DPY19L2: variants seen among roughly 807,000 people sequenced by gnomAD.
DPY19L2 encodes probable C-mannosyltransferase DPY19L2.
A neutral mutation model predicts 97.9 loss-of-function variants in DPY19L2; 34 were observed. That is an observed-to-expected ratio of 0.35 (90% CI 0.26 to 0.46). DPY19L2 has a LOEUF of 0.46. Ranked by LOEUF, DPY19L2 falls within the 20% of genes least tolerant of loss-of-function variation. The pLI is 1.00. For missense variants in DPY19L2, 623 were observed against 911.4 expected (o/e 0.68, Z 4.07); for synonymous variants, 230 against 307.9 (o/e 0.75, Z 2.65).
chr12:63,626,130 G>A (rs1421041472), intron 7 of DPY19L2, among the ~76,000 whole-genome samples: 1 of 151,318 alleles, frequency 6.6e-6, no homozygotes, highest in Non-Finnish European at 1.5e-5. Context: ...TAACTTGTAT[G>A]GTGAGGCTAC....
upstream of DPY19L2, chr12:63,668,665 T>A: frequency 2.2e-6 from 1 of 459,504 alleles, no homozygotes; most frequent in East Asian, 4.2e-5. Context: ...CAGCTTCCGG[T>A]GAGGGCAGCC....
chr12:63,644,402 C>T lies in DPY19L2; in HGVS notation c.803+1G>A. 6.2e-7 allele frequency: 1 copy of T among 1,606,418 alleles called. No individual in the cohort carries two copies. Among genetic ancestry groups the T allele is most frequent in the Non-Finnish European group, 8.5e-7 (1 of 1,177,554 alleles). Reference sequence around the variant, plus strand: ...GTCTCTTAATTCAGTAGTAGTCTTACCTCAGGTATGCTCCATACATGAAGA... The same window carrying T: ...GTCTCTTAATTCAGTAGTAGTCTTATCTCAGGTATGCTCCATACATGAAGA... On this transcript the variant is annotated splice_donor_variant, in intron 6 of 21. Transcript: ENST00000324472. LOFTEE classifies it high-confidence loss of function.
At chr12:63,581,190 G>A (rs1409734793) in intron 18 of DPY19L2, among the ~76,000 whole-genome samples, 3 of 152,064 alleles carry the variant, frequency 2.0e-5, no homozygotes, top group Admixed American at 1.3e-4. Flanking sequence ...TAGTAGACAG[G>A]GAAGCCCTAT....
chr12:63,627,759 A>G (rs1262735406), intron 6 of DPY19L2, among the ~76,000 whole-genome samples: 1 of 152,108 alleles, frequency 6.6e-6, no homozygotes, highest in Non-Finnish European at 1.5e-5. Context: ...TCTTCCCTCC[A>G]TACACCACTT....
chr12:63,596,102 A>T, intron 14 of DPY19L2, 65 bp from the exon 15 acceptor site: 3 of 1,423,660 alleles, frequency 2.1e-6, no homozygotes, highest in Non-Finnish European at 2.8e-6. Context: ...GTAAACACCT[A>T]TGTCAAACTA....
At position 63,559,417 on chromosome 12, in the gene DPY19L2, C is replaced by T. The variant is rs1876087469; in HGVS notation, c.*1095G>A. ...AAAATACTATAGATCTGGCATATTT[C>T]ATATTTATAAAGCAGACAAAAAGAA... On this transcript the variant is annotated 3_prime_UTR_variant, in exon 22 of 22. Transcript: ENST00000324472. 6.6e-6 allele frequency: 1 copy of T among 152,382 alleles called. No homozygotes were observed. Among genetic ancestry groups the T allele is most frequent in the Admixed American group, 6.6e-5 (1 of 15,258 alleles). 9.4% of individuals were successfully genotyped at this position (152,382 alleles called of 1,614,324 possible).
At chr12:63,605,961 T>C (rs528322647) in intron 12 of DPY19L2, among the ~76,000 whole-genome samples, 4 of 152,316 alleles carry the variant, frequency 2.6e-5, no homozygotes, top group Non-Finnish European at 5.9e-5. Context: ...TCTATTTATA[T>C]CTTAGAAATT....
At chr12:63,572,858 T>C (rs1879137747) in intron 19 of DPY19L2, among the ~76,000 whole-genome samples, 1 of 152,128 alleles carries the variant, frequency 6.6e-6, no homozygotes, top group Non-Finnish European at 1.5e-5. Flanking sequence ...GAGTCTGCAA[T>C]AGCTTCAGCA....
chr12:63,587,557 A>ATTATTATTATTATTATT (rs1882004302), intron 16 of DPY19L2, among the ~76,000 whole-genome samples: 20 of 136,230 alleles, frequency 1.5e-4, no homozygotes, highest in African/African-American at 5.6e-4. Flanking sequence ...CATTTTTAAA[A>ATTATTATTATTATTATT]ATTATTATTA....
At chr12:63,660,317 G>A (rs937766031) in intron 4 of DPY19L2, among the ~76,000 whole-genome samples, 7 of 151,314 alleles carry the variant, frequency 4.6e-5, no homozygotes, top group African/African-American at 1.5e-4. Flanking sequence ...TTCATAAAAC[G>A]GTTAAAATTA....
At chr12:63,629,761 T>C (rs1890250603) in intron 6 of DPY19L2, among the ~76,000 whole-genome samples, 1 of 151,968 alleles carries the variant, frequency 6.6e-6, no homozygotes, top group Non-Finnish European at 1.5e-5. Flanking sequence ...AGACACATAA[T>C]TGTCAGGTTC....
At chr12:63,597,207 T>G (rs1248070041) in intron 14 of DPY19L2, among the ~76,000 whole-genome samples, 2 of 151,244 alleles carry the variant, frequency 1.3e-5, no homozygotes, top group Admixed American at 6.6e-5. Context: ...ACTCCTGACC[T>G]CAAGTGATCT....
At chr12:63,630,486 G>C (rs1330916771) in intron 6 of DPY19L2, among the ~76,000 whole-genome samples, 1 of 152,018 alleles carries the variant, frequency 6.6e-6, no homozygotes, top group Non-Finnish European at 1.5e-5. Flanking sequence ...TTATATAATG[G>C]TAAAGGGATC....
chr12:63,639,944 A>C (rs1892416362), intron 6 of DPY19L2, among the ~76,000 whole-genome samples: 1 of 152,196 alleles, frequency 6.6e-6, no homozygotes, highest in African/African-American at 2.4e-5. Context: ...AAGACTTGGA[A>C]CCAACCCAAA....
Position 63,628,376 on chromosome 12 carries a change from C to T in DPY19L2, c.804-1850G>A, listed in dbSNP as rs544244241. On this transcript the variant is annotated intron_variant, in intron 6 of 21. Coordinates refer to ENST00000324472, the MANE Select transcript of DPY19L2 (RefSeq NM_173812.5). Reference sequence around the variant, plus strand: ...TCGGGTCACTCCTACCCTAACAGTGCGCTTTTCCAACAGTCTTAGCAAACG... The same window carrying T: ...TCGGGTCACTCCTACCCTAACAGTGTGCTTTTCCAACAGTCTTAGCAAACG... Among the ~76,000 whole-genome samples, 52 of 152,238 alleles carry T rather than the reference C, an allele frequency of 3.4e-4. 1 individual carries two copies. In the South Asian group the frequency reaches 0.01, roughly 30 times the overall value.
At chr12:63,586,467 G>A (rs1881814472) in intron 16 of DPY19L2, among the ~76,000 whole-genome samples, 1 of 152,148 alleles carries the variant, frequency 6.6e-6, no homozygotes, top group African/African-American at 2.4e-5. Context: ...TGGAAGGAGA[G>A]GGTGTCTAGG....
intron 6 of DPY19L2, among the ~76,000 whole-genome samples, chr12:63,634,717 G>A (rs1291646120): frequency 3.3e-5 from 5 of 152,116 alleles, no homozygotes; most frequent in South Asian, 2.1e-4. Context: ...ACTGCAAGGC[G>A]GCAGTGAGGC....
intron 19 of DPY19L2, among the ~76,000 whole-genome samples, chr12:63,575,463 A>T (rs931257833): frequency 6.6e-6 from 1 of 151,826 alleles, no homozygotes; most frequent in Non-Finnish European, 1.5e-5. Context: ...AATAATAAAG[A>T]TCAGAGCAGA....
At chr12:63,600,562 A>G (rs1884969886) in intron 12 of DPY19L2, among the ~76,000 whole-genome samples, 176 bp from the exon 13 acceptor site, 1 of 150,984 alleles carries the variant, frequency 6.6e-6, no homozygotes, top group South Asian at 2.1e-4. Flanking sequence ...AAAACTGATG[A>G]CACTGGTATA....
Sources: allele counts gnomAD v4.1 joint callset (sites outside exome capture counted in the v4.1 genomes callset), GRCh38; gene constraint gnomAD v4.1.1; transcripts MANE v1.5; gene names NCBI Gene and HGNC (gene_info 2026-07-23, HGNC 2026-07-21).